LRP1B: variants seen among roughly 807,000 people sequenced by gnomAD.
LRP1B encodes the protein low-density lipoprotein receptor-related protein 1B.
LRP1B carries 217 observed loss-of-function variants against 556.6 expected under a neutral mutation model. That is an observed-to-expected ratio of 0.39 (90% CI 0.35 to 0.44). The LOEUF is 0.44. Ranked by LOEUF, LRP1B falls within the 20% of genes least tolerant of loss-of-function variation. The pLI is 1.00. For missense variants in LRP1B, 5,053 were observed against 5,620.8 expected (o/e 0.90, Z 3.23); for synonymous variants, 2,047 against 1,865.8 (o/e 1.10, Z -2.50).
At chr2:141,281,981 A>G (rs1235179689) in intron 3 of LRP1B, among the ~76,000 whole-genome samples, 2 of 152,072 alleles carry the variant, frequency 1.3e-5, no homozygotes, top group Admixed American at 6.6e-5. Flanking sequence ...TACCAAGCCA[A>G]CTCTGATCTT....
At chr2:141,661,123 GCAA>G (rs971068779) in intron 2 of LRP1B, among the ~76,000 whole-genome samples, 5 of 152,174 alleles carry the variant, frequency 3.3e-5, no homozygotes, top group Admixed American at 1.3e-4. Context: ...CAAACAGAAA[GCAA>G]CAACAACAGC....
intron 37 of LRP1B, among the ~76,000 whole-genome samples, chr2:140,710,431 T>A (rs1051504560): frequency 2.2e-4 from 34 of 152,038 alleles, no homozygotes; most frequent in African/African-American, 8.2e-4. Flanking sequence ...AATAAATAAC[T>A]GTAAAGGATA....
intron 3 of LRP1B, among the ~76,000 whole-genome samples, chr2:141,374,858 T>C (rs1689370080): frequency 6.6e-6 from 1 of 152,198 alleles, no homozygotes; most frequent in African/African-American, 2.4e-5. Flanking sequence ...CTTCTTGATA[T>C]GGTGTTTCAA....
chr2:141,060,578 C>A lies in LRP1B; in HGVS notation c.1236+1473G>T, dbSNP rs76319959. 5.3e-3 allele frequency among the ~76,000 whole-genome samples: 805 copies of A among 151,844 alleles called. 8 individuals are homozygous for A. Among genetic ancestry groups the A allele is most frequent in the African/African-American group, 0.018 (759 of 41,494 alleles). On this transcript the variant is annotated intron_variant, in intron 8 of 90. Coordinates refer to ENST00000389484, the MANE Select transcript of LRP1B (RefSeq NM_018557.3). ...AAGTTTGGGGCCATCAACCAAGGAACCTGTGGTGATGGGATATCAACATTG... is the reference window on the plus strand; with the variant it reads ...AAGTTTGGGGCCATCAACCAAGGAAACTGTGGTGATGGGATATCAACATTG...
chr2:141,452,421 T>A, intron 3 of LRP1B, among the ~76,000 whole-genome samples: 1 of 152,220 alleles, frequency 6.6e-6, no homozygotes, highest in Non-Finnish European at 1.5e-5. Flanking sequence ...ATAGAATATA[T>A]GTTTGCTACT....
intron 32 of LRP1B, among the ~76,000 whole-genome samples, chr2:140,807,044 T>C (rs960624477): frequency 6.6e-6 from 1 of 152,182 alleles, no homozygotes; most frequent in Non-Finnish European, 1.5e-5. Context: ...TTTTAGTCAA[T>C]AGTTTTAAAG....
chr2:140,979,959 C>T lies in LRP1B; in HGVS notation c.2887+2201G>A, dbSNP rs1696719478. 2.0e-5 allele frequency among the ~76,000 whole-genome samples: 3 copies of T among 152,104 alleles called. No individual in the cohort carries two copies. In the South Asian group the frequency reaches 6.2e-4, roughly 32 times the overall value. The stretch of plus-strand genomic sequence containing the variant: ...TACGTGTCTGGCAGCCCTCCCAACC[C>T]TTCTTCGCCTCACCTCATAAAAGAT... On this transcript the variant is annotated intron_variant, in intron 18 of 90. Transcript: ENST00000389484.
At chr2:141,346,807 T>C (rs1446423486) in intron 3 of LRP1B, among the ~76,000 whole-genome samples, 1 of 152,164 alleles carries the variant, frequency 6.6e-6, no homozygotes, top group African/African-American at 2.4e-5. Flanking sequence ...CATTTCCTCA[T>C]TATCAATTTA....
At chr2:140,722,207 G>A (rs951775650) in intron 35 of LRP1B, among the ~76,000 whole-genome samples, 1 of 152,184 alleles carries the variant, frequency 6.6e-6, no homozygotes, top group African/African-American at 2.4e-5. Flanking sequence ...TTTCCATGGT[G>A]TGAAAATGCC....
intron 2 of LRP1B, among the ~76,000 whole-genome samples, chr2:141,544,328 C>CTTCTTCTTCTTCTTCTTCTTCTT (rs1685421138): frequency 6.2e-4 from 23 of 36,970 alleles, no homozygotes; most frequent in East Asian, 3.7e-3. Context: ...TCTTCTTCTT[C>CTTCTTCTTCTTCTTCTTCTTCTT]TTCTTCTTCT....
chr2:141,544,396 C>CCTCCTCCTCCTT (rs1685472612), intron 2 of LRP1B, among the ~76,000 whole-genome samples: 5 of 51,948 alleles, frequency 9.6e-5, no homozygotes, highest in Admixed American at 2.7e-4. Flanking sequence ...TCCTCCTCCT[C>CCTCCTCCTCCTT]CTCCTCCTCC....
intron 7 of LRP1B, among the ~76,000 whole-genome samples, chr2:141,143,663 C>T (rs758345752): frequency 3.3e-5 from 5 of 152,080 alleles, no homozygotes; most frequent in Non-Finnish European, 5.9e-5. Context: ...ATTGCCTTCT[C>T]ATTCATCAGA....
intron 1 of LRP1B, among the ~76,000 whole-genome samples, chr2:141,946,510 GA>G (rs1700959338): frequency 6.6e-6 from 1 of 152,104 alleles, no homozygotes; most frequent in Admixed American, 6.5e-5. Context: ...GAAACAGAGT[GA>G]AAAATAATGA....
chr2:141,770,764 G>A (rs749644871), intron 2 of LRP1B, among the ~76,000 whole-genome samples: 9 of 152,180 alleles, frequency 5.9e-5, no homozygotes, highest in Non-Finnish European at 1.0e-4. Flanking sequence ...AGAAGAGGTC[G>A]GTGAGGGAGA....
chr2:141,373,029 G>A (rs948845121), intron 3 of LRP1B, among the ~76,000 whole-genome samples: 2 of 151,908 alleles, frequency 1.3e-5, no homozygotes, highest in African/African-American at 4.8e-5. Flanking sequence ...CTAGGTTTTA[G>A]TATGTTGTGT....
At chr2:141,698,451 T>A (rs1002938841) in intron 2 of LRP1B, among the ~76,000 whole-genome samples, 1 of 151,158 alleles carries the variant, frequency 6.6e-6, no homozygotes, top group African/African-American at 2.4e-5. Context: ...GCTCACTTGT[T>A]CTCTAAGTGA....
chr2:140,739,485 AGAAAG>A (rs1688064885), intron 35 of LRP1B, among the ~76,000 whole-genome samples: 1 of 152,190 alleles, frequency 6.6e-6, no homozygotes, highest in African/African-American at 2.4e-5. Context: ...GGTTGTACAT[AGAAAG>A]GAGAGTTTCC....
intron 3 of LRP1B, among the ~76,000 whole-genome samples, chr2:141,440,754 A>G (rs535436933): frequency 2.5e-3 from 374 of 152,346 alleles, no homozygotes; most frequent in African/African-American, 8.1e-3. Context: ...GAAGAGAGTC[A>G]TTTAAAGAAT....
chr2:142,102,846 C>G (rs1706616766), intron 1 of LRP1B, among the ~76,000 whole-genome samples: 1 of 151,820 alleles, frequency 6.6e-6, no homozygotes, highest in Admixed American at 6.6e-5. Context: ...AGCTAAAAAT[C>G]TTACCTTTTA....
Sources: gnomAD v4.1 joint callset for allele counts (sites outside exome capture counted in the v4.1 genomes callset) on GRCh38, gnomAD v4.1.1 for gene constraint, MANE v1.5 for transcripts, NCBI Gene and HGNC (gene_info 2026-07-23, HGNC 2026-07-21) for gene names.